Variants in NDUFA12 observed in about 807,000 individuals in gnomAD.
The protein encoded by NDUFA12 is NADH:ubiquinone oxidoreductase subunit A12.
In NDUFA12, 17 loss-of-function variants were observed where a neutral mutation model predicts 20.3. The ratio of observed to expected loss-of-function variants is 0.84; its 90% confidence interval spans 0.57 to 1.26. The LOEUF is 1.26. Among genes scored for constraint, NDUFA12 ranks in the 50% most tolerant of loss-of-function variants. The probability of loss-of-function intolerance (pLI) is 0.00; values close to 1 mark genes in which losing one functional copy is unlikely to be tolerated. For synonymous variants in NDUFA12, 72 were observed against 63.6 expected, an observed-to-expected ratio of 1.13 and a Z score of -0.63; for missense variants, 191 against 183.7, an observed-to-expected ratio of 1.04 and a Z score of -0.23.
At chr12:94,975,593 C>T (rs1056243258) in intron 3 of NDUFA12, among the ~76,000 whole-genome samples, 5 of 152,042 alleles carry the variant, frequency 3.3e-5, no homozygotes, top group Non-Finnish European at 5.9e-5. Context: ...GATCCATTTC[C>T]ATTTAAGGAA....
At position 95,000,990 on chromosome 12, in the gene NDUFA12, C is replaced by T. The variant is rs73221750; in HGVS notation, c.169+1749G>A. 7.9e-3 allele frequency among the ~76,000 whole-genome samples: 1,205 copies of T among 152,292 alleles called. 11 individuals are homozygous for T. Among genetic ancestry groups the T allele is most frequent in the Non-Finnish European group, 0.011 (738 of 68,020 alleles). On this transcript the variant is annotated intron_variant, in intron 2 of 3. Transcript: ENST00000327772. ...TAAAAAATGTTTAATTCATCAGTAT[C>T]CAACTTACGCACACTAATGTTGCTT...
At chr12:94,973,721 A>T (rs1457625987) in intron 3 of NDUFA12, among the ~76,000 whole-genome samples, 1 of 152,178 alleles carries the variant, frequency 6.6e-6, no homozygotes, top group African/African-American at 2.4e-5. Context: ...GATAATTTTT[A>T]TCACAATACA....
chr12:94,985,590 G>A (rs1195352096), intron 3 of NDUFA12, among the ~76,000 whole-genome samples: 2 of 126,180 alleles, frequency 1.6e-5, no homozygotes, highest in Non-Finnish European at 3.1e-5. Context: ...TCACGCCACT[G>A]CACTCCAGCC....
At chr12:94,996,934 GT>G in intron 2 of NDUFA12, 1 of 391,134 alleles carries the variant, frequency 2.6e-6, no homozygotes, top group Non-Finnish European at 5.0e-6. Flanking sequence ...ACATGATTAA[GT>G]CTCTTTGGTA....
rs6538587 is a variant in NDUFA12 at position 95,002,468 on chromosome 12, C to A, written c.169+271G>T. The stretch of plus-strand genomic sequence containing the variant: ...AAAAAAAAAAAAAAAAAAAAAAGAA[C>A]AAAAACACTTCAAAATTTGATAGGT... On this transcript the variant is annotated intron_variant, in intron 2 of 3. Transcript: ENST00000327772. Among the ~76,000 whole-genome samples, 570 of 124,188 alleles carry A rather than the reference C, an allele frequency of 4.6e-3. 9 individuals carry two copies. The highest frequency in any genetic ancestry group is 0.017 in the Middle Eastern group (4 of 242). 81.5% of individuals were successfully genotyped at this position (124,188 alleles called of 152,430 possible). A position where few individuals can be genotyped will look rare whatever the true frequency, so the allele number is the denominator to read the frequency against.
intron 3 of NDUFA12, among the ~76,000 whole-genome samples, chr12:94,991,806 A>C (rs1165901411): frequency 1.3e-5 from 2 of 152,134 alleles, no homozygotes. Flanking sequence ...ATCATCCAGA[A>C]ACCCTTCGCA....
At position 94,994,262 on chromosome 12, in the gene NDUFA12, G is replaced by A. The variant is rs764001936; in HGVS notation, c.170-5C>T. The A allele has an allele frequency of 6.2e-7, 1 of 1,612,820 alleles. No individual in the cohort carries two copies. The highest frequency in any genetic ancestry group is 1.7e-5 in the Admixed American group (1 of 59,922). ...ATACAACCCATCGGTGACGGCCTGG[G>A]TGGGAAGATGAACATTTAAAAAGAA... is the stretch of plus-strand genomic sequence containing the variant. On this transcript the variant is annotated splice_polypyrimidine_tract_variant and splice_region_variant and intron_variant, in intron 2 of 3. Transcript: ENST00000327772.
At chr12:94,987,974 C>T (rs983144109) in intron 3 of NDUFA12, among the ~76,000 whole-genome samples, 22 of 152,176 alleles carry the variant, frequency 1.4e-4, no homozygotes, top group Non-Finnish European at 2.8e-4. Flanking sequence ...TCTGCACAAA[C>T]GTTGTTAAAT....
At chr12:94,996,340 C>CACACAT (rs2136071176) in intron 2 of NDUFA12, among the ~76,000 whole-genome samples, 1 of 148,520 alleles carries the variant, frequency 6.7e-6, no homozygotes, top group South Asian at 2.2e-4. Context: ...CACACACACA[C>CACACAT]ACACACACAC....
intron 3 of NDUFA12, among the ~76,000 whole-genome samples, chr12:94,979,835 C>CAAA (rs35821688): frequency 7.3e-6 from 1 of 137,290 alleles, no homozygotes; most frequent in South Asian, 2.4e-4. Flanking sequence ...GACCCTGTCT[C>CAAA]AAAAAAAAAA....
chr12:94,995,979 A>C (rs1221433439), intron 2 of NDUFA12, among the ~76,000 whole-genome samples: 1 of 151,640 alleles, frequency 6.6e-6, no homozygotes, highest in Non-Finnish European at 1.5e-5. Context: ...AGGCTGAGGC[A>C]GGGGGATCAC....
chr12:94,987,291 C>T (rs1008015097), intron 3 of NDUFA12, among the ~76,000 whole-genome samples: 21 of 152,004 alleles, frequency 1.4e-4, no homozygotes, highest in African/African-American at 4.4e-4. Context: ...TTTTCAAAAG[C>T]GTCAAGGTCA....
intron 3 of NDUFA12, among the ~76,000 whole-genome samples, chr12:94,973,583 C>T (rs978269350): frequency 2.6e-5 from 4 of 152,158 alleles, no homozygotes; most frequent in Non-Finnish European, 5.9e-5. Context: ...CAAAAAATTG[C>T]TGTCAAGACT....
At chr12:94,987,753 C>T (rs1336584345) in intron 3 of NDUFA12, among the ~76,000 whole-genome samples, 1 of 133,334 alleles carries the variant, frequency 7.5e-6, no homozygotes, top group Non-Finnish European at 1.5e-5. Flanking sequence ...GACTGTACCA[C>T]TGCACTCCAG....
intron 3 of NDUFA12, among the ~76,000 whole-genome samples, chr12:94,987,802 AAAAAAAAAAAAAAAG>A (rs1188536816): frequency 7.8e-6 from 1 of 128,288 alleles, no homozygotes; most frequent in Non-Finnish European, 1.7e-5. Flanking sequence ...AAAAAAAAAA[AAAAAAAAAAAAAAAG>A]GTAAAGAAAA....
chr12:95,003,457 G>T, intron 1 of NDUFA12, 138 bp downstream of exon 1: 1 of 900,190 alleles, frequency 1.1e-6, no homozygotes, highest in Non-Finnish European at 1.8e-6. Context: ...CCTGGGGGTG[G>T]CAAGGCAGAG....
At chr12:94,973,966 GT>G (rs1873976599) in intron 3 of NDUFA12, among the ~76,000 whole-genome samples, 1 of 136,154 alleles carries the variant, frequency 7.3e-6, no homozygotes, top group African/African-American at 2.7e-5. Flanking sequence ...AGACTCTTGG[GT>G]CTTTTTTTTT....
intron 3 of NDUFA12, among the ~76,000 whole-genome samples, chr12:94,974,425 G>C (rs1424422531): frequency 6.6e-6 from 1 of 152,136 alleles, no homozygotes; most frequent in Non-Finnish European, 1.5e-5. Context: ...CCATTATAGA[G>C]AACAGTTAGG....
chr12:94,984,039 A>G (rs1874327719), intron 3 of NDUFA12, among the ~76,000 whole-genome samples: 1 of 152,040 alleles, frequency 6.6e-6, no homozygotes, highest in Non-Finnish European at 1.5e-5. Flanking sequence ...GTAAGGAGGA[A>G]GTCCAGTGGG....
Sources: gnomAD v4.1 joint callset for allele counts (sites outside exome capture counted in the v4.1 genomes callset) on GRCh38, gnomAD v4.1.1 for gene constraint, MANE v1.5 for transcripts, NCBI Gene and HGNC (gene_info 2026-07-23, HGNC 2026-07-21) for gene names.